The following PCDH15 variants were observed in gnomAD, a reference collection of about 807,000 sequenced individuals.
PCDH15 encodes protocadherin related 15.
In PCDH15, 129 loss-of-function variants were observed where a neutral mutation model predicts 178.5. The observed-to-expected ratio is 0.72, with a 90% CI of 0.63 to 0.84. The LOEUF (loss-of-function observed/expected upper bound fraction) is 0.84. Ranked by LOEUF, PCDH15 falls within the 40% of genes least tolerant of loss-of-function variation. The pLI is 0.00. For synonymous variants in PCDH15, 800 were observed against 732.0 expected, an observed-to-expected ratio of 1.09 and a Z score of -1.50; for missense variants, 2,230 against 2,099.9, an observed-to-expected ratio of 1.06 and a Z score of -1.21.
intron 9 of PCDH15, among the ~76,000 whole-genome samples, chr10:54,235,177 T>C (rs1260627577): frequency 1.3e-5 from 2 of 152,160 alleles, no homozygotes; most frequent in African/African-American, 4.8e-5. Flanking sequence ...TCTACTACAA[T>C]CCTCCTCTGC....
At chr10:54,169,622 TCTTGTATCCCCC>T (rs2046654518) in intron 13 of PCDH15, among the ~76,000 whole-genome samples, 1 of 150,822 alleles carries the variant, frequency 6.6e-6, no homozygotes, top group Admixed American at 6.6e-5. Context: ...TGCATACTCC[TCTTGTATCCCCC>T]CACCTTAACC....
intron 1 of PCDH15, among the ~76,000 whole-genome samples, chr10:54,793,669 CATAT>C (rs770415339): frequency 6.1e-5 from 9 of 148,206 alleles, no homozygotes; most frequent in Admixed American, 5.4e-4. Context: ...CTTATATATA[CATAT>C]ATACACACAT....
chr10:55,462,053 GACA>G (rs1176039517), intron 2 of PCDH15, among the ~76,000 whole-genome samples: 1 of 151,972 alleles, frequency 6.6e-6, no homozygotes. Flanking sequence ...TACAATATGA[GACA>G]AGGGTAAATA....
intron 8 of PCDH15, among the ~76,000 whole-genome samples, chr10:54,266,162 C>A (rs186519669): frequency 2.4e-4 from 36 of 151,624 alleles, no homozygotes; most frequent in Admixed American, 2.2e-3. Flanking sequence ...CACACACACA[C>A]ATACACACAC....
chr10:54,497,442 T>C (rs2080235309), intron 3 of PCDH15, among the ~76,000 whole-genome samples: 1 of 152,144 alleles, frequency 6.6e-6, no homozygotes, highest in Admixed American at 6.6e-5. Context: ...ATGGTTCTCA[T>C]GCAGATTGAA....
chr10:54,030,776 C>G (rs1590015513), intron 18 of PCDH15, among the ~76,000 whole-genome samples: 1 of 152,014 alleles, frequency 6.6e-6, no homozygotes, highest in Non-Finnish European at 1.5e-5. Flanking sequence ...GACTAACTCT[C>G]TGACACAAAC....
At chr10:55,048,110 T>C (rs779707174) in intron 2 of PCDH15, among the ~76,000 whole-genome samples, 3 of 151,870 alleles carry the variant, frequency 2.0e-5, no homozygotes, top group Non-Finnish European at 4.4e-5. Flanking sequence ...ATACTTCTTA[T>C]ATGTTTAAGA....
At chr10:54,987,057 TC>T in intron 2 of PCDH15, among the ~76,000 whole-genome samples, 1 of 152,128 alleles carries the variant, frequency 6.6e-6, no homozygotes, top group Non-Finnish European at 1.5e-5. Context: ...GATGTTCCCC[TC>T]CCTGTGTCCA....
At chr10:55,228,584 A>T (rs555162993) in intron 1 of PCDH15, among the ~76,000 whole-genome samples, 22 of 152,150 alleles carry the variant, frequency 1.4e-4, no homozygotes, top group African/African-American at 5.3e-4. Flanking sequence ...CTTAGAAGTT[A>T]TCAAATACAT....
chr10:54,511,611 A>C (rs1450866345), intron 3 of PCDH15, among the ~76,000 whole-genome samples: 3 of 152,188 alleles, frequency 2.0e-5, no homozygotes, highest in Admixed American at 6.5e-5. Flanking sequence ...CACTTTATGG[A>C]TAATGCATTT....
intron 35 of PCDH15, among the ~76,000 whole-genome samples, chr10:53,815,715 T>C (rs1345469578): frequency 6.6e-6 from 1 of 151,704 alleles, no homozygotes; most frequent in Non-Finnish European, 1.5e-5. Context: ...TATATAAACA[T>C]AATAAGTAAA....
chr10:54,321,704 G>T (rs968297533), intron 7 of PCDH15, among the ~76,000 whole-genome samples: 1 of 151,900 alleles, frequency 6.6e-6, no homozygotes, highest in Non-Finnish European at 1.5e-5. Context: ...GTGTGTTAAA[G>T]ATAGTGTATT....
chr10:54,294,331 G>A (rs1174704811), intron 8 of PCDH15, among the ~76,000 whole-genome samples: 1 of 151,742 alleles, frequency 6.6e-6, no homozygotes, highest in Admixed American at 6.6e-5. Flanking sequence ...GGGGGCTGGG[G>A]AAGGGATAGC....
At chr10:53,921,108 A>T (rs1276597564) in intron 25 of PCDH15, among the ~76,000 whole-genome samples, 1 of 152,178 alleles carries the variant, frequency 6.6e-6, no homozygotes, top group East Asian at 1.9e-4. Flanking sequence ...AGGGGTTCAC[A>T]GTTCTTGCAA....
intron 6 of PCDH15, among the ~76,000 whole-genome samples, chr10:54,340,689 G>T (rs1174010465): frequency 6.6e-6 from 1 of 152,154 alleles, no homozygotes; most frequent in Non-Finnish European, 1.5e-5. Flanking sequence ...TGACTTGAAA[G>T]ATCCAAGTGC....
At chr10:53,965,899 A>T (rs1459775798) in intron 21 of PCDH15, among the ~76,000 whole-genome samples, 1 of 152,178 alleles carries the variant, frequency 6.6e-6, no homozygotes, top group Admixed American at 6.6e-5. Context: ...TTATGCCTGT[A>T]ATTGATAAAA....
chr10:53,892,183 C>T (rs1394236143), intron 26 of PCDH15, among the ~76,000 whole-genome samples: 2 of 151,818 alleles, frequency 1.3e-5, no homozygotes, highest in Non-Finnish European at 2.9e-5. Context: ...TGCCACTGCA[C>T]CCGGCTAATT....
In PCDH15 at chr10:54,726,417, G is replaced by A. The variant is rs557472192; in HGVS notation, c.-28-62127C>T. On this transcript the variant is annotated intron_variant, in intron 1 of 37. Coordinates refer to ENST00000644397, the MANE Select transcript of PCDH15 (RefSeq NM_001384140.1). ...ATCTTTAGCACATTTCTACCCATCA[G>A]GGGTGTGTGTGTGTGTGTGTGTGTG... Among the ~76,000 whole-genome samples, 22 of 97,780 alleles carry A rather than the reference G, an allele frequency of 2.2e-4. No individual in the cohort carries two copies. In the South Asian group the frequency reaches 6.6e-3, roughly 29 times the overall value. 64.1% of individuals were successfully genotyped at this position (97,780 alleles called of 152,430 possible).
chr10:53,934,139 G>A (rs1273520362), intron 25 of PCDH15, among the ~76,000 whole-genome samples: 2 of 152,098 alleles, frequency 1.3e-5, no homozygotes, highest in Admixed American at 1.3e-4. Context: ...AAAGAGATGA[G>A]CGAGAAAATG....
Sources: gnomAD v4.1 joint callset for allele counts (sites outside exome capture counted in the v4.1 genomes callset) on GRCh38, gnomAD v4.1.1 for gene constraint, MANE v1.5 for transcripts, NCBI Gene and HGNC (gene_info 2026-07-23, HGNC 2026-07-21) for gene names.